Variants in ADGRV1 observed in about 807,000 individuals in gnomAD.
ADGRV1 encodes the protein adhesion G protein-coupled receptor V1.
In ADGRV1, 359 loss-of-function variants were observed where a neutral mutation model predicts 596.2. The ratio of observed to expected loss-of-function variants is 0.60; its 90% confidence interval spans 0.55 to 0.66. ADGRV1 has a LOEUF of 0.66. Among genes scored for constraint, ADGRV1 ranks in the 30% least tolerant of loss-of-function variants. The pLI is 0.00. For synonymous variants in ADGRV1, 2,681 were observed against 2,679.2 expected, an observed-to-expected ratio of 1.00 and a Z score of -0.02; for missense variants, 7,274 against 7,575.6, an observed-to-expected ratio of 0.96 and a Z score of 1.48.
chr5:91,046,969 C>G (rs931370883), intron 85 of ADGRV1, among the ~76,000 whole-genome samples: 2 of 152,126 alleles, frequency 1.3e-5, no homozygotes, highest in Admixed American at 1.3e-4. Context: ...CAATGCAATA[C>G]CACCTTACTC....
chr5:90,735,696 G>A (rs1049963067), intron 50 of ADGRV1, among the ~76,000 whole-genome samples: 5 of 151,808 alleles, frequency 3.3e-5, no homozygotes, highest in Non-Finnish European at 7.4e-5. Flanking sequence ...TTTCATCAGC[G>A]TTGTACAGTT....
intron 83 of ADGRV1, among the ~76,000 whole-genome samples, chr5:90,906,436 T>C (rs1772330897): frequency 6.6e-6 from 1 of 152,168 alleles, no homozygotes; most frequent in Admixed American, 6.5e-5. Flanking sequence ...TTTGGACTTC[T>C]TCTTGGTTCA....
At chr5:90,919,516 G>A (rs1773685169) in intron 83 of ADGRV1, among the ~76,000 whole-genome samples, 1 of 152,054 alleles carries the variant, frequency 6.6e-6, no homozygotes, top group African/African-American at 2.4e-5. Flanking sequence ...AATAACAACT[G>A]GACTTTGAGA....
intron 84 of ADGRV1, among the ~76,000 whole-genome samples, chr5:90,967,471 G>A (rs1164133907): frequency 6.6e-6 from 1 of 152,052 alleles, no homozygotes; most frequent in Non-Finnish European, 1.5e-5. Context: ...TTTTCTGATT[G>A]CAAAATTCTG....
chr5:90,941,164 C>T (rs1329282101), intron 83 of ADGRV1, among the ~76,000 whole-genome samples: 1 of 150,664 alleles, frequency 6.6e-6, no homozygotes, highest in Non-Finnish European at 1.5e-5. Context: ...AAGCAGATAA[C>T]ACCATCCAAA....
intron 83 of ADGRV1, among the ~76,000 whole-genome samples, chr5:90,959,031 GCTTT>G (rs1777747064): frequency 6.6e-6 from 1 of 152,076 alleles, no homozygotes; most frequent in South Asian, 2.1e-4. Context: ...GACAATTAGA[GCTTT>G]CTAATTAGCA....
intron 64 of ADGRV1, among the ~76,000 whole-genome samples, chr5:90,780,734 T>C (rs1200463352): frequency 6.6e-6 from 1 of 152,142 alleles, no homozygotes; most frequent in Non-Finnish European, 1.5e-5. Flanking sequence ...AAAGTCTTGC[T>C]GTGTCACCCA....
chr5:90,642,893 G>A lies in ADGRV1; in HGVS notation c.2405G>A (p.Arg802Lys), dbSNP rs1402976203. The change falls in exon 13 of 90, where the codon AGG becomes AAG. Residue 802 changes from arginine (R) to lysine (K), a missense_variant. Physicochemically the swap from Arg to Lys is conservative, Grantham distance 26. Coordinates refer to ENST00000405460, the MANE Select transcript of ADGRV1 (RefSeq NM_032119.4). ...ESVELHIIRS[R>K]GSLVKQFLHY... ...GTAGAGCTCCACATCATCCGATCAA[G>A]GGGGTCCCTTGTTAAGCAGTTTCTA... 3 of 1,611,188 alleles carry A rather than the reference G, an allele frequency of 1.9e-6. No individual in the cohort carries two copies. Among genetic ancestry groups the A allele is most frequent in the Non-Finnish European group, 2.5e-6 (3 of 1,178,576 alleles).
chr5:91,020,250 C>T (rs1360303815), intron 85 of ADGRV1, among the ~76,000 whole-genome samples: 1 of 151,910 alleles, frequency 6.6e-6, no homozygotes, highest in Non-Finnish European at 1.5e-5. Flanking sequence ...AAGAGTAGGG[C>T]TAGGAATCTA....
intron 83 of ADGRV1, among the ~76,000 whole-genome samples, chr5:90,924,201 A>C (rs1378733959): frequency 1.3e-5 from 2 of 151,746 alleles, no homozygotes; most frequent in African/African-American, 4.9e-5. Flanking sequence ...CTGAGGAATC[A>C]TCACACTGAC....
At chr5:90,690,511 C>T (rs1303293129) in intron 30 of ADGRV1, among the ~76,000 whole-genome samples, 2 of 152,172 alleles carry the variant, frequency 1.3e-5, no homozygotes, top group East Asian at 3.9e-4. Flanking sequence ...AGCAGGCTTG[C>T]ACTGTGCAAT....
intron 83 of ADGRV1, among the ~76,000 whole-genome samples, chr5:90,868,965 G>A (rs1193263467): frequency 1.3e-5 from 2 of 152,026 alleles, no homozygotes; most frequent in East Asian, 3.9e-4. Flanking sequence ...CCAGCAGTTC[G>A]ACCACTTCCA....
chr5:90,652,676 G>A (rs566260064), intron 19 of ADGRV1, 113 bp downstream of exon 19: 6 of 634,508 alleles, frequency 9.5e-6, no homozygotes, highest in Middle Eastern at 4.4e-4. Flanking sequence ...TGAAGTATTT[G>A]TGTCATGACT....
intron 65 of ADGRV1, among the ~76,000 whole-genome samples, 157 bp from the exon 66 acceptor site, chr5:90,782,967 G>C (rs561666193): frequency 4.5e-4 from 69 of 152,090 alleles, no homozygotes; most frequent in Non-Finnish European, 8.4e-4. Flanking sequence ...ATGTCATGAG[G>C]TTTTCACTAA....
intron 19 of ADGRV1, among the ~76,000 whole-genome samples, 163 bp from the exon 20 acceptor site, chr5:90,653,046 C>A (rs1561462406): frequency 6.6e-6 from 1 of 152,174 alleles, no homozygotes. Flanking sequence ...TCATATCCTG[C>A]CCCTAAAATG....
At chr5:90,657,311 T>A (rs555022651) in intron 20 of ADGRV1, among the ~76,000 whole-genome samples, 4 of 151,724 alleles carry the variant, frequency 2.6e-5, no homozygotes, top group Non-Finnish European at 5.9e-5. Flanking sequence ...AGTGGACTCC[T>A]GTAGTGATGT....
intron 81 of ADGRV1, among the ~76,000 whole-genome samples, chr5:90,854,464 C>T (rs1766833845): frequency 6.6e-6 from 1 of 152,162 alleles, no homozygotes; most frequent in African/African-American, 2.4e-5. Flanking sequence ...GGCATGAATT[C>T]TGCTCAATTC....
intron 2 of ADGRV1, chr5:90,617,304 T>C (rs1042274176): frequency 3.9e-5 from 6 of 152,094 alleles, no homozygotes; most frequent in African/African-American, 9.7e-5. Context: ...TTTAGAATCA[T>C]TTCTTTTTTC....
rs190996568 is a variant in ADGRV1, at chr5:90,846,858, T to A, written c.17020-1779T>A. On this transcript the variant is annotated intron_variant, in intron 78 of 89. Coordinates refer to ENST00000405460, the MANE Select transcript of ADGRV1 (RefSeq NM_032119.4). ...CCGTTTTACAGAGAGCCGATTGGTC[T>A]GTTTTACAGAGCGCTGATTGGTCCA... Among the ~76,000 whole-genome samples, 200 of 152,336 alleles carry A rather than the reference T, an allele frequency of 1.3e-3. 2 individuals are homozygous for A. Among genetic ancestry groups the A allele is most frequent in the African/African-American group, 4.5e-3 (185 of 41,568 alleles).
Sources: allele counts gnomAD v4.1 joint callset (sites outside exome capture counted in the v4.1 genomes callset), GRCh38; gene constraint gnomAD v4.1.1; transcripts MANE v1.5; gene names NCBI Gene and HGNC (gene_info 2026-07-23, HGNC 2026-07-21).